TASOR2: variants seen among roughly 807,000 people sequenced by gnomAD.
TASOR2 encodes the protein protein TASOR 2.
Under a neutral mutation model 199.5 loss-of-function variants are expected in TASOR2, and 84 were observed. The ratio of observed to expected loss-of-function variants is 0.42; its 90% CI spans 0.35 to 0.50. TASOR2 has a LOEUF of 0.50. TASOR2 is among the 20% of genes least tolerant of loss of function. The probability of loss-of-function intolerance (pLI) is 0.02; values close to 1 mark genes in which losing one functional copy is unlikely to be tolerated. For synonymous variants in TASOR2, 1,103 were observed against 1,046.6 expected, an observed-to-expected ratio of 1.05 and a Z score of -1.04; for missense variants, 2,796 against 2,835.9, an observed-to-expected ratio of 0.99 and a Z score of 0.32.
chr10:5,735,447 C>G lies in TASOR2; in HGVS notation c.1348C>G (p.Pro450Ala), dbSNP rs751802867. Residue 450 changes from proline (P) to alanine (A), a missense_variant, in exon 12 of 21, where the codon CCA becomes GCA. By Grantham distance (27) the Pro-to-Ala change is conservative (BLOSUM62 -1). Transcript: ENST00000328090. Reference sequence around the variant, plus strand: ...AGAGAAATCTCCAGTCAAAACTGTTCCAAGGGCTAAGCCACCTGTGAAGAA... The same window carrying G: ...AGAGAAATCTCCAGTCAAAACTGTTGCAAGGGCTAAGCCACCTGTGAAGAA... 9.9e-6 allele frequency: 16 copies of G among 1,613,932 alleles called. No homozygotes were observed. The East Asian group carries it at 3.1e-4, about 31-fold the overall frequency.
At chr10:5,704,790 T>C (rs1838362429) in intron 1 of TASOR2, among the ~76,000 whole-genome samples, 1 of 152,206 alleles carries the variant, frequency 6.6e-6, no homozygotes, top group African/African-American at 2.4e-5. Context: ...TAGATCATGT[T>C]ACTCTTTAAC....
chr10:5,752,443 C>A lies in TASOR2; in HGVS notation c.6606+2416C>A, dbSNP rs1391799728. Among the ~76,000 whole-genome samples, 4 of 152,060 alleles carry A rather than the reference C, an allele frequency of 2.6e-5. No individual in the cohort carries two copies. The highest frequency in any genetic ancestry group is 7.2e-5 in the African/African-American group (3 of 41,402). ...GTGTGTCGGTTCCACACATGAGGGG[C>A]CTGCAGGCCACGTGCAGGCCGTGTG... is the stretch of plus-strand genomic sequence containing the variant. On this transcript the variant is annotated intron_variant, in intron 15 of 20. Coordinates refer to ENST00000328090, the Ensembl canonical transcript of TASOR2. The surrounding 1 kb of genome is among the most constrained non-coding windows in gnomAD (Gnocchi z 4.4).
Position 5,720,087 on chromosome 10 carries a change from C to G in TASOR2, c.-99-457C>G, listed in dbSNP as rs961147701. Among the ~76,000 whole-genome samples, 2 of 152,118 alleles carry G rather than the reference C, an allele frequency of 1.3e-5. No individual in the cohort carries two copies. The highest frequency in any genetic ancestry group is 4.8e-5 in the African/African-American group (2 of 41,432). On this transcript the variant is annotated intron_variant, in intron 3 of 20. Coordinates refer to ENST00000328090, the Ensembl canonical transcript of TASOR2. The surrounding 1 kb of genome is among the most constrained non-coding windows in gnomAD (Gnocchi z 5.3). Reference sequence around the variant, plus strand: ...CCATTTTTAAGGGTTCATGGATAATCAAAACTATTTTTGGCCTTAAGATAA... The same window carrying G: ...CCATTTTTAAGGGTTCATGGATAATGAAAACTATTTTTGGCCTTAAGATAA...
chr10:5,762,196 C>G (rs1839951790), intron 19 of TASOR2, among the ~76,000 whole-genome samples: 1 of 126,590 alleles, frequency 7.9e-6, no homozygotes, highest in Admixed American at 8.1e-5. Context: ...CTGCAGTGAG[C>G]CGTCATCACA....
rs924205221 is a variant in TASOR2 at position 5,742,738 on chromosome 10, A to C, written c.2757+212A>C. ...CTTACCTGCCATCCCGATTGAAAAA[A>C]ACCAGAGTAGAAAAATGTCACAGGG... On this transcript the variant is annotated intron_variant, in intron 14 of 20. Transcript: ENST00000328090. This position sits in a 1 kb window ranked among gnomAD's most constrained non-coding sequence, Gnocchi z 4.2. Among the ~76,000 whole-genome samples, 7 of 152,200 alleles carry C rather than the reference A, an allele frequency of 4.6e-5. No homozygotes were observed. Among genetic ancestry groups the C allele is most frequent in the African/African-American group, 1.7e-4 (7 of 41,450 alleles).
rs1837404244 is a variant in TASOR2 at position 5,698,416 on chromosome 10, T to C, written c.-288+13241T>C. Among the ~76,000 whole-genome samples the C allele has an allele frequency of 6.6e-6, 1 of 152,128 alleles. No individual in the cohort carries two copies. The highest frequency in any genetic ancestry group is 6.5e-5 in the Admixed American group (1 of 15,276). On this transcript the variant is annotated intron_variant, in intron 1 of 20. Transcript: ENST00000328090. This position sits in a 1 kb window ranked among gnomAD's most constrained non-coding sequence, Gnocchi z 4.4. ...TTCAGGATGGTCTGTTAATAAACAT[T>C]AGTTAACCGAACAGTTATATGATTA...
chr10:5,723,431 T>C (rs898155290), intron 6 of TASOR2, among the ~76,000 whole-genome samples: 1 of 152,132 alleles, frequency 6.6e-6, no homozygotes, highest in Non-Finnish European at 1.5e-5. Context: ...ATCTAGATAC[T>C]TTGTCTGTAC....
chr10:5,762,719 AAGGGAAACAGT>A (rs1298628226), intron 20 of TASOR2, 73 bp downstream of exon 21: 8 of 787,626 alleles, frequency 1.0e-5, no homozygotes, highest in Non-Finnish European at 1.7e-5. Flanking sequence ...ATTTGTGTCT[AAGGGAAACAGT>A]TGGGAAACTG....
chr10:5,762,417 C>T (rs138732474), intron 19 of TASOR2, 115 bp from the exon 21 acceptor site: 62 of 422,838 alleles, frequency 1.5e-4, no homozygotes, highest in African/African-American at 1.3e-3. Context: ...CTTTTCTCCC[C>T]CTACCCCTCA....
At chr10:5,718,323 T>G (rs1420515884) in intron 3 of TASOR2, among the ~76,000 whole-genome samples, 13 of 140,034 alleles carry the variant, frequency 9.3e-5, no homozygotes, top group East Asian at 4.0e-4. Context: ...CGTTTTATTG[T>G]TTTTTTTTTT....
At chr10:5,692,329 G>A (rs190121291) in intron 1 of TASOR2, among the ~76,000 whole-genome samples, 1 of 152,172 alleles carries the variant, frequency 6.6e-6, no homozygotes, top group African/African-American at 2.4e-5. Flanking sequence ...TGAAAAGAAC[G>A]TGTATTTTAG....
intron 10 of TASOR2, among the ~76,000 whole-genome samples, chr10:5,728,533 G>A (rs1416790284): frequency 1.3e-5 from 2 of 151,940 alleles, no homozygotes; most frequent in African/African-American, 4.8e-5. Flanking sequence ...CTACTCAGGA[G>A]GCTGAGGCAG....
chr10:5,734,585 G>A (rs1013878376), intron 11 of TASOR2, among the ~76,000 whole-genome samples: 19 of 152,176 alleles, frequency 1.2e-4, no homozygotes, highest in African/African-American at 4.3e-4. Flanking sequence ...CTGCAGTGTG[G>A]TTATAGTTTT....
intron 2 of TASOR2, among the ~76,000 whole-genome samples, chr10:5,716,202 A>G (rs2131558787): frequency 6.6e-6 from 1 of 152,324 alleles, no homozygotes; most frequent in South Asian, 2.1e-4. Context: ...GTTGTTGACC[A>G]AAATGTTATA....
intron 17 of TASOR2, 64 bp from the exon 19 acceptor site, chr10:5,758,823 C>A: frequency 8.4e-7 from 1 of 1,191,256 alleles, no homozygotes; most frequent in Non-Finnish European, 1.2e-6. Context: ...TATCACTGGG[C>A]TTGGCATGAG....
In TASOR2 at chr10:5,748,959, G is replaced by A; in HGVS notation, c.5538G>A (p.Glu1846=). The A allele has an allele frequency of 6.2e-7, 1 of 1,614,072 alleles. No individual in the cohort carries two copies. Among genetic ancestry groups the A allele is most frequent in the South Asian group, 1.1e-5 (1 of 91,076 alleles). ...GTAGAAATCCCAGACTGGATTTGGA[G>A]GATTCTTATACTTTAAGAGGTAGTT... is the stretch of plus-strand genomic sequence containing the variant. The change falls in exon 15 of 21, where the codon GAG becomes GAA. Residue 1846 remains glutamate (E), a synonymous_variant. Coordinates refer to ENST00000328090, the Ensembl canonical transcript of TASOR2. This position sits in a 1 kb window ranked among gnomAD's most constrained non-coding sequence, Gnocchi z 5.1.
chr10:5,689,436 C>T lies in TASOR2; in HGVS notation c.-288+4261C>T, dbSNP rs1836175253. Among the ~76,000 whole-genome samples the T allele has an allele frequency of 6.6e-6, 1 of 152,142 alleles. No homozygotes were observed. The highest frequency in any genetic ancestry group is 2.1e-4 in the South Asian group (1 of 4,834). ...CCAATATGGTGAAACTCTGTCTCTACTAAAAATACAAAAATTATCCCGGCA... is the reference window on the plus strand; with the variant it reads ...CCAATATGGTGAAACTCTGTCTCTATTAAAAATACAAAAATTATCCCGGCA... On this transcript the variant is annotated intron_variant, in intron 1 of 20. Transcript: ENST00000328090. The surrounding 1 kb of genome is among the most constrained non-coding windows in gnomAD (Gnocchi z 4.1).
chr10:5,759,982 T>C lies in TASOR2; in HGVS notation c.6992+990T>C, dbSNP rs1445934126. ...GTTCTGATGTACCACAGCACACCTA[T>C]AAAATAAGCATAAATCAATCTAGCA... On this transcript the variant is annotated intron_variant, in intron 18 of 20. Transcript: ENST00000328090. Among the ~76,000 whole-genome samples the C allele has an allele frequency of 2.6e-5, 4 of 152,232 alleles. No homozygotes were observed. In the East Asian group the frequency reaches 5.8e-4, roughly 22 times the overall value.
At position 5,722,834 on chromosome 10, in the gene TASOR2, G is replaced by A. The variant is rs1262927516; in HGVS notation, c.147-843G>A. ...ACCAGCCTGGCCAATACGGTGAAAC[G>A]CTGTCTCCACTGAAAATACAAAAAT... On this transcript the variant is annotated intron_variant, in intron 6 of 20. Coordinates refer to ENST00000328090, the Ensembl canonical transcript of TASOR2. This position sits in a 1 kb window ranked among gnomAD's most constrained non-coding sequence, Gnocchi z 4.0. Among the ~76,000 whole-genome samples, 1 of 151,634 alleles carries A rather than the reference G, an allele frequency of 6.6e-6. No individual in the cohort carries two copies. Among genetic ancestry groups the A allele is most frequent in the Non-Finnish European group, 1.5e-5 (1 of 67,922 alleles).
Sources: allele counts gnomAD v4.1 joint callset (sites outside exome capture counted in the v4.1 genomes callset), GRCh38; gene constraint gnomAD v4.1.1; non-coding constraint Gnocchi (gnomAD v3.1); transcripts MANE v1.5; gene names NCBI Gene and HGNC (gene_info 2026-07-23, HGNC 2026-07-21).